The following MARCHF1 variants were observed in gnomAD, a reference collection of about 807,000 sequenced individuals.
MARCHF1 encodes E3 ubiquitin-protein ligase MARCHF1.
A neutral mutation model predicts 54.2 loss-of-function variants in MARCHF1; 40 were observed. That is an observed-to-expected ratio of 0.74 (90% CI 0.57 to 0.96). MARCHF1 has a LOEUF of 0.96. Ranked by LOEUF, MARCHF1 falls within the 40% of genes least tolerant of loss-of-function variation. The pLI, the probability that MARCHF1 is intolerant of heterozygous loss-of-function variation, is 0.00. For missense variants in MARCHF1, 586 were observed against 656.5 expected (o/e 0.89, Z 1.17); for synonymous variants, 236 against 236.3 (o/e 1.00, Z 0.01).
chr4:163,971,553 G>A (rs1752547194), intron 3 of MARCHF1, among the ~76,000 whole-genome samples: 1 of 152,198 alleles, frequency 6.6e-6, no homozygotes, highest in Non-Finnish European at 1.5e-5. Flanking sequence ...AGACTAAGGT[G>A]GGAATGGAGT....
chr4:164,333,166 C>T (rs1729610166), intron 1 of MARCHF1, among the ~76,000 whole-genome samples: 1 of 152,056 alleles, frequency 6.6e-6, no homozygotes, highest in South Asian at 2.1e-4. Flanking sequence ...TTTCATTGTC[C>T]TCTCCACATG....
intron 1 of MARCHF1, among the ~76,000 whole-genome samples, chr4:164,220,280 T>C (rs1445079464): frequency 7.1e-6 from 1 of 141,004 alleles, no homozygotes; most frequent in Non-Finnish European, 1.5e-5. Context: ...ATGTATATAA[T>C]GGAATTCATA....
At chr4:163,984,050 G>A (rs1752814656) in intron 3 of MARCHF1, among the ~76,000 whole-genome samples, 1 of 151,036 alleles carries the variant, frequency 6.6e-6, no homozygotes, top group Admixed American at 6.6e-5. Context: ...ATGTTCAAAA[G>A]GAAAAATATA....
At chr4:163,953,054 T>A (rs1022134656) in intron 3 of MARCHF1, among the ~76,000 whole-genome samples, 20 of 152,278 alleles carry the variant, frequency 1.3e-4, no homozygotes, top group African/African-American at 4.8e-4. Context: ...GTCATTCACC[T>A]GCCATTTTTT....
At chr4:163,834,846 T>C (rs1749135409) in intron 4 of MARCHF1, among the ~76,000 whole-genome samples, 1 of 152,108 alleles carries the variant, frequency 6.6e-6, no homozygotes, top group African/African-American at 2.4e-5. Flanking sequence ...TGACCTATGT[T>C]ATTATTAGAG....
At chr4:164,350,617 A>T (rs1730259815) in intron 1 of MARCHF1, among the ~76,000 whole-genome samples, 1 of 152,216 alleles carries the variant, frequency 6.6e-6, no homozygotes, top group Non-Finnish European at 1.5e-5. Context: ...GTGTCCCATA[A>T]ATATGTACAA....
intron 1 of MARCHF1, among the ~76,000 whole-genome samples, chr4:164,132,876 A>G (rs141563813): frequency 6.6e-6 from 1 of 152,078 alleles, no homozygotes; most frequent in Admixed American, 6.6e-5. Context: ...TTCTTTAAAA[A>G]TATATATTAT....
intron 3 of MARCHF1, chr4:163,933,150 A>G (rs928036711): frequency 3.5e-6 from 3 of 863,988 alleles, no homozygotes; most frequent in African/African-American, 3.5e-5. Flanking sequence ...AGATTCATCC[A>G]AAAGACAGCA....
chr4:163,807,606 T>C (rs1748262054), intron 4 of MARCHF1, among the ~76,000 whole-genome samples: 1 of 152,156 alleles, frequency 6.6e-6, no homozygotes, highest in Non-Finnish European at 1.5e-5. Context: ...TTAATAAGTA[T>C]GTTTTGCTAT....
intron 9 of MARCHF1, among the ~76,000 whole-genome samples, chr4:163,543,677 A>G (rs1043997602): frequency 6.6e-6 from 1 of 152,118 alleles, no homozygotes; most frequent in Non-Finnish European, 1.5e-5. Flanking sequence ...AGTTGAGACC[A>G]TCGTGTTCAT....
At chr4:164,133,218 T>C (rs1258173020) in intron 1 of MARCHF1, among the ~76,000 whole-genome samples, 3 of 152,194 alleles carry the variant, frequency 2.0e-5, no homozygotes, top group South Asian at 4.1e-4. Context: ...GGTGCTCCCA[T>C]ACAGGTGGTA....
At chr4:163,788,998 G>T (rs1191080625) in intron 4 of MARCHF1, among the ~76,000 whole-genome samples, 3 of 151,954 alleles carry the variant, frequency 2.0e-5, no homozygotes, top group Non-Finnish European at 1.5e-5. Flanking sequence ...CGCAGATCTT[G>T]CCTGCCACAA....
At chr4:164,232,219 C>A (rs1373709316) in intron 1 of MARCHF1, among the ~76,000 whole-genome samples, 2 of 152,048 alleles carry the variant, frequency 1.3e-5, no homozygotes, top group African/African-American at 4.8e-5. Flanking sequence ...GAATGCCAAA[C>A]AAAAGGGATT....
chr4:163,612,610 T>C lies in MARCHF1; in HGVS notation c.671A>G (p.Glu224Gly). 1 of 1,535,592 alleles carries C rather than the reference T, an allele frequency of 6.5e-7. No individual in the cohort carries two copies. The highest frequency in any genetic ancestry group is 8.7e-7 in the Non-Finnish European group (1 of 1,146,548). ...GAGATTTAAAGAGCAACTCTCACAT[T>C]CAATCAGCTCTTGTTGCTCTTTACC... ...SKGKEQQELI[E>G]CESCSLNLHR... The change falls in exon 7 of 10, where the codon GAA becomes GGA. Residue 224 changes from glutamate to glycine, a missense_variant. Coordinates refer to ENST00000514618, the MANE Select transcript of MARCHF1 (RefSeq NM_001394959.1).
In MARCHF1 at chr4:163,527,358, T is replaced by G. The variant is rs996016875; in HGVS notation, c.*1390A>C. ...TCAGCTTTTAAAAGTAAGGGCTAGA[T>G]TCTTAGTCATAATTACTCATCATCT... is the stretch of plus-strand genomic sequence containing the variant. On this transcript the variant is annotated 3_prime_UTR_variant, in exon 10 of 10. Transcript: ENST00000514618. 3 of 152,096 alleles carry G rather than the reference T, an allele frequency of 2.0e-5. No homozygotes were observed. Among genetic ancestry groups the G allele is most frequent in the Non-Finnish European group, 4.4e-5 (3 of 67,964 alleles). The allele number at this position is 152,096 out of a possible 1,614,324, so 9.4% of individuals were successfully genotyped here. A position where few individuals can be genotyped will look rare whatever the true frequency, so the allele number is the denominator to read the frequency against.
rs187088566 is a variant in MARCHF1, at chr4:164,006,279, T to A, written c.-247-17570A>T. Among the ~76,000 whole-genome samples the A allele has an allele frequency of 1.1e-3, 167 of 152,224 alleles. 3 individuals carry two copies. The East Asian group carries it at 0.012, about 11-fold the overall frequency. On this transcript the variant is annotated intron_variant, in intron 2 of 9. Coordinates refer to ENST00000514618, the MANE Select transcript of MARCHF1 (RefSeq NM_001394959.1). ...TTGACAAAAATTGAAATAATAATTT[T>A]AAAAATCTAACAGAAATCATAGAAC...
At chr4:164,242,815 G>A (rs1732815545) in intron 1 of MARCHF1, among the ~76,000 whole-genome samples, 1 of 151,846 alleles carries the variant, frequency 6.6e-6, no homozygotes, top group South Asian at 2.1e-4. Flanking sequence ...CAAGGCTCGA[G>A]AACTACGTGA....
At chr4:163,558,147 G>C (rs987804162) in intron 8 of MARCHF1, among the ~76,000 whole-genome samples, 1 of 152,158 alleles carries the variant, frequency 6.6e-6, no homozygotes, top group Non-Finnish European at 1.5e-5. Context: ...CACAGGTGAG[G>C]GGGGAAGAGT....
At chr4:163,555,104 G>A (rs1739239885) in intron 8 of MARCHF1, among the ~76,000 whole-genome samples, 1 of 152,192 alleles carries the variant, frequency 6.6e-6, no homozygotes, top group Non-Finnish European at 1.5e-5. Flanking sequence ...GGAAAAAAGA[G>A]AAATGGAAAA....
Sources: allele counts gnomAD v4.1 joint callset (sites outside exome capture counted in the v4.1 genomes callset), GRCh38; gene constraint gnomAD v4.1.1; transcripts MANE v1.5; gene names NCBI Gene and HGNC (gene_info 2026-07-23, HGNC 2026-07-21).